The following SUCO variants were observed in gnomAD, a reference collection of about 807,000 sequenced individuals.
SUCO encodes SUN domain containing ossification factor.
A neutral mutation model predicts 148.1 loss-of-function variants in SUCO; 57 were observed. The ratio of observed to expected loss-of-function variants is 0.38; its 90% confidence interval spans 0.31 to 0.48. The LOEUF (loss-of-function observed/expected upper bound fraction) is 0.48, where lower values mean the gene tolerates loss of function less well. Among genes scored for constraint, SUCO ranks in the 20% least tolerant of loss-of-function variants. The pLI, the probability that SUCO is intolerant of heterozygous loss-of-function variation, is 0.96. For synonymous variants in SUCO, 470 were observed against 502.7 expected, an observed-to-expected ratio of 0.93 and a Z score of 0.87; for missense variants, 1,331 against 1,468.2, an observed-to-expected ratio of 0.91 and a Z score of 1.53.
chr1:172,602,188 C>G lies in SUCO; in HGVS notation c.3143C>G (p.Pro1048Arg), dbSNP rs183693483. ...QFDGDYISKL[P>R]KSNQYPSPKR... ...GATGGAGATTATATTTCAAAACTTC[C>G]TAAAAGTAATCAGTATCCAAGCCCT... The change falls in exon 21 of 24, where the codon CCT (proline) becomes CGT (arginine). Residue 1048 changes from proline (P) to arginine (R), a missense_variant. Physicochemically the swap from Pro to Arg is moderately radical, Grantham distance 103. Around this residue, in one of 3 missense-constraint regions of SUCO, gnomAD observed 334 missense variants for 352.3 expected, o/e 0.95. Coordinates refer to ENST00000263688, the MANE Select transcript of SUCO (RefSeq NM_014283.5). 76 of 1,612,594 alleles carry G rather than the reference C, an allele frequency of 4.7e-5. No individual in the cohort carries two copies. The Middle Eastern group carries it at 1.0e-3, about 21-fold the overall frequency.
At chr1:172,593,593 G>A (rs1656838501) in intron 19 of SUCO, among the ~76,000 whole-genome samples, 1 of 152,172 alleles carries the variant, frequency 6.6e-6, no homozygotes, top group Non-Finnish European at 1.5e-5. Context: ...ATTTCCATGT[G>A]TTGAACCAGC....
intron 1 of SUCO, among the ~76,000 whole-genome samples, chr1:172,540,258 G>A (rs1000120342): frequency 6.6e-6 from 1 of 152,202 alleles, no homozygotes; most frequent in Non-Finnish European, 1.5e-5. Flanking sequence ...TTGGCTGGTA[G>A]ATGGTCTTGG....
At chr1:172,536,896 T>C (rs1652063697) in intron 1 of SUCO, among the ~76,000 whole-genome samples, 1 of 152,212 alleles carries the variant, frequency 6.6e-6, no homozygotes, top group Non-Finnish European at 1.5e-5. Flanking sequence ...CTTCCTCTTA[T>C]AAGGACTATT....
At chr1:172,562,214 G>A (rs959335690) in intron 6 of SUCO, among the ~76,000 whole-genome samples, 1 of 151,512 alleles carries the variant, frequency 6.6e-6, no homozygotes, top group Non-Finnish European at 1.5e-5. Flanking sequence ...CACAAAAAAA[G>A]CTAAAAGAGT....
In SUCO at chr1:172,588,915, C is replaced by G; in HGVS notation, c.1814C>G (p.Ser605Ter). The G allele has an allele frequency of 6.2e-7, 1 of 1,612,920 alleles. No individual in the cohort carries two copies. Among genetic ancestry groups the G allele is most frequent in the Non-Finnish European group, 8.5e-7 (1 of 1,179,530 alleles). ...LLGSGEQEDE[S>*]SPWFESETQI... is the part of the protein sequence containing the mutation. ...GGCAGCGGTGAACAGGAAGATGAAT[C>G]ATCACCCTGGTTTGAGTCAGAGACA... The change falls in exon 18 of 24, where the codon TCA (serine) becomes TGA (stop). Residue 605 changes from serine (S) to a stop codon, truncating the protein, a stop_gained. Transcript: ENST00000263688. LOFTEE classifies it high-confidence loss of function.
chr1:172,589,635 T>A lies in SUCO; in HGVS notation c.2534T>A (p.Ile845Lys), dbSNP rs1469860872. Residue 845 changes from isoleucine (I) to lysine (K), a missense_variant, in exon 18 of 24, where the codon ATA becomes AAA. Physicochemically the swap from Ile to Lys is moderately radical, Grantham distance 102 (BLOSUM62 -3). Transcript: ENST00000263688. ...GAAGATGGGGAAGCCAAAATGAATATAGCTGACACAGCAAAGCAAACTTTG... is the reference window on the plus strand; with the variant it reads ...GAAGATGGGGAAGCCAAAATGAATAAAGCTGACACAGCAAAGCAAACTTTG... ...DNEDGEAKMN[I>K]ADTAKQTLIS... 1 of 1,613,810 alleles carries A rather than the reference T, an allele frequency of 6.2e-7. No individual in the cohort carries two copies. The highest frequency in any genetic ancestry group is 8.5e-7 in the Non-Finnish European group (1 of 1,179,910).
intron 15 of SUCO, among the ~76,000 whole-genome samples, chr1:172,580,348 T>TCA (rs1421206664): frequency 6.6e-6 from 1 of 152,192 alleles, no homozygotes; most frequent in Non-Finnish European, 1.5e-5. Context: ...ACATATCAGT[T>TCA]CAGTATATTT....
intron 22 of SUCO, among the ~76,000 whole-genome samples, chr1:172,607,553 T>A (rs1657937799): frequency 1.3e-5 from 2 of 151,878 alleles, no homozygotes; most frequent in Admixed American, 1.3e-4. Context: ...GGCAAATGTT[T>A]TCAGGGCAAA....
rs1302035550 is a variant in SUCO at position 172,611,741 on chromosome 1, G to T, written c.*1482G>T. The T allele has an allele frequency of 6.6e-6, 1 of 152,610 alleles. No homozygotes were observed. Among genetic ancestry groups the T allele is most frequent in the Non-Finnish European group, 1.5e-5 (1 of 68,032 alleles). 9.5% of individuals were successfully genotyped at this position (152,610 alleles called of 1,614,324 possible). The stretch of plus-strand genomic sequence containing the variant: ...TGAGAAATTATGTGATCTGTGTGTT[G>T]TGGGAAGAGAATTTTCAATATGTAA... On this transcript the variant is annotated 3_prime_UTR_variant, in exon 24 of 24. Coordinates refer to ENST00000263688, the MANE Select transcript of SUCO (RefSeq NM_014283.5).
At chr1:172,539,270 T>C (rs1652259918) in intron 1 of SUCO, among the ~76,000 whole-genome samples, 1 of 152,192 alleles carries the variant, frequency 6.6e-6, no homozygotes, top group Admixed American at 6.5e-5. Context: ...TGCTTTTGTT[T>C]AGTAGTTTAT....
chr1:172,571,697 G>A (rs1471126916), intron 9 of SUCO, among the ~76,000 whole-genome samples: 8 of 99,902 alleles, frequency 8.0e-5, no homozygotes, highest in African/African-American at 1.8e-4. Flanking sequence ...TGTGGGGAGC[G>A]CCTCTGCCCC....
intron 1 of SUCO, among the ~76,000 whole-genome samples, chr1:172,546,436 AAC>A (rs1431281198): frequency 6.6e-6 from 1 of 152,236 alleles, no homozygotes; most frequent in African/African-American, 2.4e-5. Context: ...ACAAAAATAA[AAC>A]AACTATCACA....
rs1318837600 is a variant in SUCO at position 172,570,736 on chromosome 1, T to C, written c.1049+6T>C. The C allele has an allele frequency of 1.9e-6, 3 of 1,568,796 alleles. No homozygotes were observed. Among genetic ancestry groups the C allele is most frequent in the Non-Finnish European group, 2.6e-6 (3 of 1,141,948 alleles). On this transcript the variant is annotated splice_donor_region_variant and intron_variant, in intron 9 of 23. Coordinates refer to ENST00000263688, the MANE Select transcript of SUCO (RefSeq NM_014283.5). ...CCTTGCAGCACTAAAATTTGGTGAG[T>C]TATACACAATTTTAAAAAGTACATT...
chr1:172,577,463 A>C, intron 11 of SUCO, 76 bp from the exon 12 acceptor site: 1 of 1,381,188 alleles, frequency 7.2e-7, no homozygotes, highest in Non-Finnish European at 1.0e-6. Flanking sequence ...TAATTTACAA[A>C]TATTTAAAGA....
At chr1:172,552,590 G>C in intron 2 of SUCO, 1 of 972,222 alleles carries the variant, frequency 1.0e-6, no homozygotes, top group Non-Finnish European at 1.2e-6. Flanking sequence ...TTAAATTTAA[G>C]TTATGTTGGA....
rs1571308472 is a variant in SUCO at position 172,610,424 on chromosome 1, G to C, written c.*165G>C. On this transcript the variant is annotated 3_prime_UTR_variant, in exon 24 of 24. Transcript: ENST00000263688. ...AAGTAGATGGGATTGTGTCAATCTTGGTTAATGAGCTACAGTTTTACAAAG... is the reference window on the plus strand; with the variant it reads ...AAGTAGATGGGATTGTGTCAATCTTCGTTAATGAGCTACAGTTTTACAAAG... 2.8e-6 allele frequency: 3 copies of C among 1,082,346 alleles called. No homozygotes were observed. The highest frequency in any genetic ancestry group is 3.7e-6 in the Non-Finnish European group (3 of 800,640). 67.0% of individuals were successfully genotyped at this position (1,082,346 alleles called of 1,614,324 possible). A position where few individuals can be genotyped will look rare whatever the true frequency, so the allele number is the denominator to read the frequency against.
chr1:172,533,713 CAG>C (rs1264770624), intron 1 of SUCO, among the ~76,000 whole-genome samples: 1 of 152,128 alleles, frequency 6.6e-6, no homozygotes, highest in Non-Finnish European at 1.5e-5. Flanking sequence ...TACAGAGACT[CAG>C]TGGGAGAGAG....
chr1:172,570,034 G>A lies in SUCO; in HGVS notation c.857-13G>A, dbSNP rs1012020612. The A allele has an allele frequency of 8.5e-6, 12 of 1,407,324 alleles. No individual in the cohort carries two copies. The highest frequency in any genetic ancestry group is 1.1e-5 in the Non-Finnish European group (12 of 1,073,968). 87.2% of individuals were successfully genotyped at this position (1,407,324 alleles called of 1,614,324 possible). On this transcript the variant is annotated splice_polypyrimidine_tract_variant and intron_variant, in intron 7 of 23. Transcript: ENST00000263688. ...TATATATATAAATATTTATAATAAC[G>A]GTTTGTCTGCAGGTCAGTCGATGCA...
At position 172,533,372 on chromosome 1, in the gene SUCO, C is replaced by T. The variant is rs756373507; in HGVS notation, c.-64C>T. The T allele has an allele frequency of 1.6e-5, 25 of 1,551,754 alleles. No individual in the cohort carries two copies. Among genetic ancestry groups the T allele is most frequent in the South Asian group, 1.1e-4 (9 of 84,098 alleles). On this transcript the variant is annotated 5_prime_UTR_variant, in exon 1 of 24. Coordinates refer to ENST00000263688, the MANE Select transcript of SUCO (RefSeq NM_014283.5). ...TCCTGCTCCGGCTCCTCCATCTTGG[C>T]CTCGGCAGTGGCGGCTGCCGGGAGG...
Sources: gnomAD v4.1 joint callset for allele counts (sites outside exome capture counted in the v4.1 genomes callset) on GRCh38, gnomAD v4.1.1 for gene constraint, gnomAD v4.1.1 regional missense constraint, MANE v1.5 for transcripts, NCBI Gene and HGNC (gene_info 2026-07-23, HGNC 2026-07-21) for gene names.